Variants in PPP6R3 observed in about 807,000 individuals in gnomAD.
PPP6R3 encodes protein phosphatase 6 regulatory subunit 3.
Under a neutral mutation model 110.7 loss-of-function variants are expected in PPP6R3, and 38 were observed. The observed-to-expected ratio is 0.34, with a 90% CI of 0.26 to 0.45. PPP6R3 has a LOEUF of 0.45. Among genes scored for constraint, PPP6R3 ranks in the 20% least tolerant of loss-of-function variants. PPP6R3 has a pLI of 1.00. For synonymous variants in PPP6R3, 369 were observed against 373.5 expected (o/e 0.99, Z 0.14); for missense variants, 870 against 1,062.4 (o/e 0.82, Z 2.52).
At chr11:68,560,928 G>A (rs1409990049) in intron 8 of PPP6R3, among the ~76,000 whole-genome samples, 3 of 120,176 alleles carry the variant, frequency 2.5e-5, no homozygotes, top group African/African-American at 9.6e-5. Context: ...ACAGAGTCTC[G>A]TTCTGTCACC....
chr11:68,470,140 A>T (rs2098779748), intron 1 of PPP6R3, among the ~76,000 whole-genome samples: 1 of 152,232 alleles, frequency 6.6e-6, no homozygotes, highest in South Asian at 2.1e-4. Flanking sequence ...CATGGAGCTT[A>T]CATTTTGGTA....
chr11:68,564,158 T>C (rs997334752), intron 8 of PPP6R3, 145 bp from the exon 9 acceptor site: 65 of 801,438 alleles, frequency 8.1e-5, no homozygotes, highest in South Asian at 5.7e-4. Context: ...TTAACCCTCT[T>C]CTGCCTCATT....
chr11:68,611,347 C>CT, intron 23 of PPP6R3, among the ~76,000 whole-genome samples: 1 of 152,332 alleles, frequency 6.6e-6, no homozygotes, highest in South Asian at 2.1e-4. Flanking sequence ...CTTGGTTTCT[C>CT]TGTCATAAGG....
At chr11:68,547,175 G>T (rs1473023161) in intron 4 of PPP6R3, among the ~76,000 whole-genome samples, 1 of 152,140 alleles carries the variant, frequency 6.6e-6, no homozygotes, top group Non-Finnish European at 1.5e-5. Context: ...CCACCTTTTA[G>T]CTCTGGAAGA....
intron 4 of PPP6R3, among the ~76,000 whole-genome samples, chr11:68,545,671 T>C (rs867605554): frequency 5.9e-5 from 9 of 152,094 alleles, no homozygotes; most frequent in Non-Finnish European, 8.8e-5. Flanking sequence ...AGTTCTTGAG[T>C]CCTATTCCAG....
intron 1 of PPP6R3, 147 bp downstream of exon 1, chr11:68,460,974 C>T (rs906177722): frequency 6.6e-6 from 1 of 151,818 alleles, no homozygotes; most frequent in South Asian, 2.1e-4. Flanking sequence ...GAATTCGTCG[C>T]TCCGCGGGCC....
At chr11:68,579,536 A>G (rs1234234581) in intron 14 of PPP6R3, among the ~76,000 whole-genome samples, 1 of 152,212 alleles carries the variant, frequency 6.6e-6, no homozygotes, top group African/African-American at 2.4e-5. Context: ...TCATTAATTC[A>G]GTAAATATTT....
At chr11:68,538,422 T>C (rs2099282770) in intron 3 of PPP6R3, among the ~76,000 whole-genome samples, 1 of 152,202 alleles carries the variant, frequency 6.6e-6, no homozygotes, top group Admixed American at 6.5e-5. Flanking sequence ...TGTAACACTT[T>C]TTCTACAAAC....
At chr11:68,502,854 A>T (rs377709574) in intron 1 of PPP6R3, among the ~76,000 whole-genome samples, 12 of 152,342 alleles carry the variant, frequency 7.9e-5, no homozygotes, top group Admixed American at 6.5e-4. Context: ...GGAAATGTCT[A>T]CTAGTCATTG....
At position 68,494,273 on chromosome 11, in the gene PPP6R3, C is replaced by T. The variant is rs891844171; in HGVS notation, c.-157-25228C>T. Among the ~76,000 whole-genome samples, 23 of 151,676 alleles carry T rather than the reference C, an allele frequency of 1.5e-4. No individual in the cohort carries two copies. In the East Asian group the frequency reaches 2.1e-3, roughly 14 times the overall value. On this transcript the variant is annotated intron_variant, in intron 1 of 23. Coordinates refer to ENST00000393800, the MANE Select transcript of PPP6R3 (RefSeq NM_001164161.2). The stretch of plus-strand genomic sequence containing the variant: ...GGGCACGGTGGCTCACGCCTGTAAT[C>T]CCAGCACTTTGGGAGGCCGAGGCGG...
At chr11:68,514,879 C>T (rs2099128298) in intron 1 of PPP6R3, 1 of 152,366 alleles carries the variant, frequency 6.6e-6, no homozygotes, top group Non-Finnish European at 1.5e-5. Context: ...GCCACCATGC[C>T]TGGCCTGAAA....
chr11:68,594,106 G>C (rs1322714852), intron 18 of PPP6R3, among the ~76,000 whole-genome samples: 1 of 152,160 alleles, frequency 6.6e-6, no homozygotes, highest in Non-Finnish European at 1.5e-5. Flanking sequence ...CAGAAGGTCT[G>C]TATTAATCTC....
At chr11:68,471,430 T>G (rs1315143920) in intron 1 of PPP6R3, among the ~76,000 whole-genome samples, 1 of 151,930 alleles carries the variant, frequency 6.6e-6, no homozygotes, top group Non-Finnish European at 1.5e-5. Flanking sequence ...CTTAGGAAAG[T>G]GTTGTCACGG....
chr11:68,569,336 C>G (rs576949411), intron 10 of PPP6R3, among the ~76,000 whole-genome samples: 1 of 152,246 alleles, frequency 6.6e-6, no homozygotes, highest in East Asian at 1.9e-4. Context: ...TGCCTGAAAC[C>G]ACAGCTATCG....
intron 1 of PPP6R3, among the ~76,000 whole-genome samples, chr11:68,479,993 A>G (rs560002055): frequency 6.6e-6 from 1 of 151,958 alleles, no homozygotes; most frequent in African/African-American, 2.4e-5. Context: ...TGCCCTCCCA[A>G]AGTGCTGGGA....
chr11:68,603,946 A>T (rs1594045980), intron 22 of PPP6R3, among the ~76,000 whole-genome samples: 1 of 152,248 alleles, frequency 6.6e-6, no homozygotes, highest in African/African-American at 2.4e-5. Context: ...CGTGACCCTT[A>T]GAAATTCACT....
chr11:68,560,682 AG>A (rs1176016609), intron 8 of PPP6R3, among the ~76,000 whole-genome samples: 1 of 152,216 alleles, frequency 6.6e-6, no homozygotes, highest in East Asian at 1.9e-4. Context: ...CATTTTATGT[AG>A]CCAGCATCAC....
chr11:68,487,435 T>C (rs570206711), intron 1 of PPP6R3, among the ~76,000 whole-genome samples: 2 of 152,172 alleles, frequency 1.3e-5, no homozygotes, highest in East Asian at 1.9e-4. Flanking sequence ...CGGGGCATGG[T>C]GGCACATGCC....
In PPP6R3 at chr11:68,614,436, A is replaced by AAATT; in HGVS notation, c.*1321_*1324dup. 7.5e-7 allele frequency: 1 copy of AAATT among 1,337,414 alleles called. No homozygotes were observed. The highest frequency in any genetic ancestry group is 9.5e-7 in the Non-Finnish European group (1 of 1,048,528). 82.8% of individuals were successfully genotyped at this position (1,337,414 alleles called of 1,614,324 possible). On this transcript the variant is annotated 3_prime_UTR_variant, in exon 24 of 24. Coordinates refer to ENST00000393800, the MANE Select transcript of PPP6R3 (RefSeq NM_001164161.2). ...ATCAGTTTTTCATTTCTGTAATAGAAAATTATTCACGTATTTTTACATCAT... is the reference window on the plus strand; with the variant it reads ...ATCAGTTTTTCATTTCTGTAATAGAAAATTAATTATTCACGTATTTTTACATCAT...
Sources: gnomAD v4.1 joint callset for allele counts (sites outside exome capture counted in the v4.1 genomes callset) on GRCh38, gnomAD v4.1.1 for gene constraint, MANE v1.5 for transcripts, NCBI Gene and HGNC (gene_info 2026-07-23, HGNC 2026-07-21) for gene names.